FAM83F: variants seen among roughly 807,000 people sequenced by gnomAD.
FAM83F encodes the protein protein FAM83F.
In FAM83F, 45 loss-of-function variants were observed where a neutral mutation model predicts 42.9. The observed-to-expected ratio is 1.05, with a 90% CI of 0.83 to 1.35. The LOEUF (loss-of-function observed/expected upper bound fraction) is 1.35. Ranked by LOEUF, FAM83F falls within the 40% of genes most tolerant of loss-of-function variation. FAM83F has a pLI of 0.00. For synonymous variants in FAM83F, 306 were observed against 298.3 expected (o/e 1.03, Z -0.27); for missense variants, 617 against 695.9 (o/e 0.89, Z 1.28).
intron 1 of FAM83F, among the ~76,000 whole-genome samples, chr22:39,998,260 G>C (rs1056932839): frequency 2.0e-5 from 3 of 152,148 alleles, no homozygotes; most frequent in African/African-American, 7.2e-5. Flanking sequence ...GGGACACGGG[G>C]GAACTGCCGA....
chr22:40,021,434 C>T lies in FAM83F; in HGVS notation c.924C>T (p.Gly308=). The T allele has an allele frequency of 6.2e-7, 1 of 1,613,400 alleles. No homozygotes were observed. The highest frequency in any genetic ancestry group is 2.2e-5 in the East Asian group (1 of 44,880). The change falls in exon 4 of 5, where the codon GGC becomes GGT. Residue 308 remains glycine (G), a synonymous_variant. Coordinates refer to ENST00000333407, the MANE Select transcript of FAM83F (RefSeq NM_138435.4). The surrounding 1 kb of genome is among the most constrained non-coding windows in gnomAD (Gnocchi z 8.7). The part of the protein sequence containing the change: ...VDLYRQLSLA[G]RVGLHYSSTV... ...TGTACCGGCAGCTGAGCCTGGCGGGCAGGGTTGGCCTCCATTACTCCTCCA... is the reference window on the plus strand; with the variant it reads ...TGTACCGGCAGCTGAGCCTGGCGGGTAGGGTTGGCCTCCATTACTCCTCCA...
chr22:40,005,501 G>A (rs2067422800), intron 1 of FAM83F, among the ~76,000 whole-genome samples: 1 of 152,236 alleles, frequency 6.6e-6, no homozygotes, highest in South Asian at 2.1e-4. Flanking sequence ...CCTACTCCCT[G>A]GCAGGTCACA....
chr22:40,032,773 G>A lies in FAM83F; in HGVS notation c.*3208G>A, dbSNP rs1453220786. The A allele has an allele frequency of 4.6e-5, 7 of 152,076 alleles. No homozygotes were observed. Among genetic ancestry groups the A allele is most frequent in the Admixed American group, 4.6e-4 (7 of 15,274 alleles). The allele number at this position is 152,076 out of a possible 1,614,324, so 9.4% of individuals were successfully genotyped here. A position where few individuals can be genotyped will look rare whatever the true frequency, so the allele number is the denominator to read the frequency against. On this transcript the variant is annotated 3_prime_UTR_variant, in exon 5 of 5. Transcript: ENST00000333407. ...TTTATTAGAGACAGGGTTTCACCAT[G>A]TTAGCCAGGTTGGTCTTGATCTCCT... is the stretch of plus-strand genomic sequence containing the variant.
chr22:40,000,285 A>G (rs778265046), intron 1 of FAM83F, among the ~76,000 whole-genome samples: 12 of 152,130 alleles, frequency 7.9e-5, no homozygotes, highest in Non-Finnish European at 1.6e-4. Flanking sequence ...GGATTTAGGG[A>G]AAGGCTCCAG....
intron 1 of FAM83F, among the ~76,000 whole-genome samples, chr22:40,015,867 C>T (rs1015033730): frequency 1.3e-5 from 2 of 152,158 alleles, no homozygotes; most frequent in African/African-American, 4.8e-5. Flanking sequence ...TTGGATTAAC[C>T]CCTTGAAATC....
At chr22:40,027,435 G>C (rs732748) in intron 4 of FAM83F, among the ~76,000 whole-genome samples, 33,691 of 152,004 alleles carry the variant, frequency 0.22, 4,336 homozygotes, top group Non-Finnish European at 0.3. Context: ...ACATGGCTCC[G>C]CTCCGCTGAG....
rs1173299445 is a variant in FAM83F at position 40,041,361 on chromosome 22, AG to A, written c.*11797del. 2 of 152,158 alleles carry A rather than the reference AG, an allele frequency of 1.3e-5. No individual in the cohort carries two copies. Among genetic ancestry groups the A allele is most frequent in the Non-Finnish European group, 2.9e-5 (2 of 68,028 alleles). 9.4% of individuals were successfully genotyped at this position (152,158 alleles called of 1,614,324 possible). A position where few individuals can be genotyped will look rare whatever the true frequency, so the allele number is the denominator to read the frequency against. On this transcript the variant is annotated 3_prime_UTR_variant, in exon 5 of 5. Transcript: ENST00000333407. ...GAGGAAATGAGAGCAAGCACAAGAG[AG>A]CACCCTGGCATAGCATTCTCTGACC...
Position 39,995,131 on chromosome 22 carries a change from G to A in FAM83F, c.89G>A (p.Arg30Gln). The A allele has an allele frequency of 7.3e-7, 1 of 1,372,406 alleles. No homozygotes were observed. 85.0% of individuals were successfully genotyped at this position (1,372,406 alleles called of 1,614,324 possible). The change falls in exon 1 of 5, where the codon CGG becomes CAG. Residue 30 changes from arginine (R) to glutamine (Q), a missense_variant. By Grantham distance (43) the Arg-to-Gln change is conservative. Transcript: ENST00000333407. This position sits in a 1 kb window ranked among gnomAD's most constrained non-coding sequence, Gnocchi z 4.6. ...EAQAAFYYCE[R>Q]RRAALEALLG... ...CAGGCCGCCTTCTACTACTGCGAGC[G>A]GCGGCGGGCCGCGCTGGAGGCGCTG...
At chr22:40,024,470 A>T (rs184109283) in intron 4 of FAM83F, among the ~76,000 whole-genome samples, 21 of 152,324 alleles carry the variant, frequency 1.4e-4, no homozygotes, top group African/African-American at 5.1e-4. Flanking sequence ...AATCAGTGAG[A>T]ACCTGAGCTC....
At position 40,031,532 on chromosome 22, in the gene FAM83F, A is replaced by T. The variant is rs539820178; in HGVS notation, c.*1967A>T. ...ACCCAGGTCCCTCCCCTGCCCTGAC[A>T]TCTAATCTGGGAGGATCCCTGATTG... On this transcript the variant is annotated 3_prime_UTR_variant, in exon 5 of 5. Transcript: ENST00000333407. 2 of 152,272 alleles carry T rather than the reference A, an allele frequency of 1.3e-5. No homozygotes were observed. The highest frequency in any genetic ancestry group is 2.9e-5 in the Non-Finnish European group (2 of 68,096). 9.4% of individuals were successfully genotyped at this position (152,272 alleles called of 1,614,324 possible).
At chr22:40,019,795 A>G (rs768228993) in intron 2 of FAM83F, 92 bp from the exon 3 acceptor site, 235 of 1,496,922 alleles carry the variant, frequency 1.6e-4, no homozygotes, top group Non-Finnish European at 1.9e-4. Flanking sequence ...GGCAGGGTCC[A>G]TACACAAGGG....
chr22:40,003,234 G>A (rs1403641343), intron 1 of FAM83F, among the ~76,000 whole-genome samples: 1 of 152,172 alleles, frequency 6.6e-6, no homozygotes, highest in East Asian at 1.9e-4. Context: ...CTGGGTACAG[G>A]TAGTTTCTCC....
At chr22:40,012,975 C>T (rs1479659319) in intron 1 of FAM83F, among the ~76,000 whole-genome samples, 1 of 144,212 alleles carries the variant, frequency 6.9e-6, no homozygotes, top group Non-Finnish European at 1.5e-5. Flanking sequence ...CCCAGCTACT[C>T]GGGAGGCTGA....
In FAM83F at chr22:39,995,022, C is replaced by T; in HGVS notation, c.-21C>T. 7.9e-7 allele frequency: 1 copy of T among 1,257,926 alleles called. No homozygotes were observed. Among genetic ancestry groups the T allele is most frequent in the African/African-American group, 1.6e-5 (1 of 63,920 alleles). 77.9% of individuals were successfully genotyped at this position (1,257,926 alleles called of 1,614,324 possible). On this transcript the variant is annotated 5_prime_UTR_variant, in exon 1 of 5. Coordinates refer to ENST00000333407, the MANE Select transcript of FAM83F (RefSeq NM_138435.4). The surrounding 1 kb of genome is among the most constrained non-coding windows in gnomAD (Gnocchi z 4.6). ...ACCGCGGCGGGGCCGGGGCCAGGGC[C>T]GGGGCCGGGGCCGGGGCGCCATGGC...
Position 39,995,227 on chromosome 22 carries a change from C to T in FAM83F, c.185C>T (p.Pro62Leu), listed in dbSNP as rs1391188208. The stretch of plus-strand genomic sequence containing the variant: ...CAGCTGCGGGACTTCCTCTCCAGCC[C>T]GGAGCGCCAGGCCCTGCGGGCCGCC... ...EEQLRDFLSS[P>L]ERQALRAAWS... Residue 62 changes from proline to leucine, a missense_variant, in exon 1 of 5, where the codon CCG (proline) becomes CTG (leucine). Physicochemically the swap from Pro to Leu is moderately conservative, Grantham distance 98 (BLOSUM62 -3). Coordinates refer to ENST00000333407, the MANE Select transcript of FAM83F (RefSeq NM_138435.4). The surrounding 1 kb of genome is among the most constrained non-coding windows in gnomAD (Gnocchi z 4.6). 6 of 1,533,260 alleles carry T rather than the reference C, an allele frequency of 3.9e-6. No individual in the cohort carries two copies. The highest frequency in any genetic ancestry group is 4.4e-6 in the Non-Finnish European group (5 of 1,145,402). 95.0% of individuals were successfully genotyped at this position (1,533,260 alleles called of 1,614,324 possible). A position where few individuals can be genotyped will look rare whatever the true frequency, so the allele number is the denominator to read the frequency against.
In FAM83F at chr22:40,019,226, A is replaced by C; in HGVS notation, c.548A>C (p.Asp183Ala). Residue 183 changes from aspartate (D) to alanine (A), a missense_variant, in exon 2 of 5, where the codon GAT (aspartate) becomes GCT (alanine). Asp to Ala is a moderately radical substitution (Grantham distance 126). Transcript: ENST00000333407. The stretch of plus-strand genomic sequence containing the variant: ...GGTGATATCTTTCAAGACATTGTGG[A>C]TGCTGCCTGTAAGCGCCGGGTCCCA... ...TDGDIFQDIV[D>A]AACKRRVPVY... The C allele has an allele frequency of 6.2e-7, 1 of 1,614,204 alleles. No homozygotes were observed. Among genetic ancestry groups the C allele is most frequent in the African/African-American group, 1.3e-5 (1 of 75,056 alleles).
rs1012943922 is a variant in FAM83F, at chr22:40,032,663, G to T, written c.*3098G>T. On this transcript the variant is annotated 3_prime_UTR_variant, in exon 5 of 5. Coordinates refer to ENST00000333407, the MANE Select transcript of FAM83F (RefSeq NM_138435.4). ...GGCTCACTGCAAGCTCCGCCTCCCG[G>T]GTTCACGCCATTCTTCTGCCTCAGC... 1 of 151,860 alleles carries T rather than the reference G, an allele frequency of 6.6e-6. No homozygotes were observed. Among genetic ancestry groups the T allele is most frequent in the African/African-American group, 2.4e-5 (1 of 41,288 alleles). The allele number at this position is 151,860 out of a possible 1,614,324, so 9.4% of individuals were successfully genotyped here.
intron 4 of FAM83F, among the ~76,000 whole-genome samples, chr22:40,024,103 G>A (rs767866604): frequency 1.7e-4 from 26 of 152,244 alleles, no homozygotes; most frequent in Non-Finnish European, 2.8e-4. Flanking sequence ...CGGTTCAAGC[G>A]ATTCTCCCAC....
intron 1 of FAM83F, among the ~76,000 whole-genome samples, chr22:40,012,422 A>G (rs964540866): frequency 2.6e-5 from 4 of 152,066 alleles, no homozygotes; most frequent in African/African-American, 9.7e-5. Flanking sequence ...GGCGTGAGCC[A>G]CTGCACCCAG....
Sources: allele counts gnomAD v4.1 joint callset (sites outside exome capture counted in the v4.1 genomes callset), GRCh38; gene constraint gnomAD v4.1.1; non-coding constraint Gnocchi (gnomAD v3.1); transcripts MANE v1.5; gene names NCBI Gene and HGNC (gene_info 2026-07-23, HGNC 2026-07-21).